CTNNA2: variants seen among roughly 807,000 people sequenced by gnomAD.
CTNNA2 encodes the protein catenin alpha 2, also known as catenin alpha-2.
In CTNNA2, 42 loss-of-function variants were observed where a neutral mutation model predicts 101.0. That is an observed-to-expected ratio of 0.42 (90% CI 0.32 to 0.54). The LOEUF is 0.54. CTNNA2 is among the 20% of genes least tolerant of loss of function. The pLI, the probability that CTNNA2 is intolerant of heterozygous loss-of-function variation, is 0.14. For missense variants in CTNNA2, 871 were observed against 1,223.1 expected (o/e 0.71, Z 4.29); for synonymous variants, 450 against 456.4 (o/e 0.99, Z 0.18).
At chr2:79,834,090 A>C (rs915177037) in intron 3 of CTNNA2, among the ~76,000 whole-genome samples, 1 of 152,196 alleles carries the variant, frequency 6.6e-6, no homozygotes, top group African/African-American at 2.4e-5. Context: ...CTTGTGGAGA[A>C]GTATGAGAGT....
At chr2:80,367,790 T>G (rs1235932164) in intron 7 of CTNNA2, among the ~76,000 whole-genome samples, 1 of 152,176 alleles carries the variant, frequency 6.6e-6, no homozygotes. Context: ...GATTACATTC[T>G]CTTCTTTCCT....
intron 6 of CTNNA2, 49 bp from the exon 7 acceptor site, chr2:79,909,545 G>C: frequency 1.3e-6 from 2 of 1,505,532 alleles, no homozygotes. Context: ...TGCCAAGGCA[G>C]ACCTCTCTTC....
chr2:80,539,329 T>C (rs2149613147), intron 9 of CTNNA2, among the ~76,000 whole-genome samples: 1 of 146,604 alleles, frequency 6.8e-6, no homozygotes, highest in South Asian at 2.1e-4. Flanking sequence ...TTTTTGTTGT[T>C]GTTGTTGTTG....
At chr2:79,889,800 A>G (rs142392442) in intron 6 of CTNNA2, among the ~76,000 whole-genome samples, 2 of 152,320 alleles carry the variant, frequency 1.3e-5, no homozygotes, top group East Asian at 3.9e-4. Flanking sequence ...TCCTGACTGA[A>G]AAGTTGTTAT....
chr2:80,329,199 G>A (rs1196531487), intron 7 of CTNNA2, among the ~76,000 whole-genome samples: 1 of 152,176 alleles, frequency 6.6e-6, no homozygotes, highest in Non-Finnish European at 1.5e-5. Context: ...ACCTTTATTT[G>A]ATTGGTATTT....
intron 6 of CTNNA2, among the ~76,000 whole-genome samples, chr2:79,894,476 T>C (rs558580036): frequency 6.6e-6 from 1 of 152,278 alleles, no homozygotes; most frequent in African/African-American, 2.4e-5. Flanking sequence ...ATCGTTTCCG[T>C]AGGTCCCTGC....
chr2:80,187,749 T>C (rs1390027503), intron 7 of CTNNA2, among the ~76,000 whole-genome samples: 1 of 152,102 alleles, frequency 6.6e-6, no homozygotes, highest in East Asian at 1.9e-4. Context: ...GAATGATGCT[T>C]ATAGTTATCA....
chr2:79,929,001 T>G (rs1375212906), intron 7 of CTNNA2, among the ~76,000 whole-genome samples: 1 of 152,172 alleles, frequency 6.6e-6, no homozygotes, highest in Non-Finnish European at 1.5e-5. Flanking sequence ...GGTTCATAGA[T>G]TAAGTATCTG....
intron 7 of CTNNA2, among the ~76,000 whole-genome samples, chr2:80,369,539 C>T (rs185585317): frequency 6.6e-6 from 1 of 152,040 alleles, no homozygotes; most frequent in Admixed American, 6.6e-5. Context: ...GTACTAAGTC[C>T]TGGAACCCAT....
chr2:80,053,966 T>G (rs2104345303), intron 7 of CTNNA2, among the ~76,000 whole-genome samples: 1 of 152,384 alleles, frequency 6.6e-6, no homozygotes, highest in Non-Finnish European at 1.5e-5. Context: ...TCATTTTGTT[T>G]ACAAGTATTC....
intron 7 of CTNNA2, among the ~76,000 whole-genome samples, chr2:80,112,953 G>T (rs1311201159): frequency 6.6e-6 from 1 of 152,170 alleles, no homozygotes; most frequent in Non-Finnish European, 1.5e-5. Flanking sequence ...TGTGACTGGA[G>T]CAGTATCTTA....
chr2:80,428,668 A>C (rs1681208086), intron 9 of CTNNA2, among the ~76,000 whole-genome samples: 1 of 152,284 alleles, frequency 6.6e-6, no homozygotes, highest in Admixed American at 6.5e-5. Context: ...CCCTACACAA[A>C]TGTCCTGGGT....
chr2:79,381,921 G>A (rs768370512), intron 4 of CTNNA2, among the ~76,000 whole-genome samples: 9 of 152,188 alleles, frequency 5.9e-5, no homozygotes, highest in Non-Finnish European at 1.2e-4. Context: ...AAATGACTGC[G>A]TGATTGCTAA....
chr2:80,510,223 C>A (rs1191423311), intron 9 of CTNNA2, among the ~76,000 whole-genome samples: 1 of 152,164 alleles, frequency 6.6e-6, no homozygotes, highest in Admixed American at 6.5e-5. Flanking sequence ...TATCACCAAA[C>A]CAACCCCACA....
intron 7 of CTNNA2, among the ~76,000 whole-genome samples, chr2:80,143,022 C>T (rs1470051149): frequency 3.3e-5 from 5 of 152,294 alleles, no homozygotes; most frequent in Non-Finnish European, 2.9e-5. Flanking sequence ...CTTGGACAAC[C>T]TTGTATGGAG....
rs147555003 is a variant in CTNNA2 at position 80,250,418 on chromosome 2, A to G, written c.1057-142793A>G. Reference sequence around the variant, plus strand: ...AGTCTGCAGAGATGTTTCAGGGAGTAAACGCAAAGATAGAAGAGAAGCAGG... The same window carrying G: ...AGTCTGCAGAGATGTTTCAGGGAGTGAACGCAAAGATAGAAGAGAAGCAGG... On this transcript the variant is annotated intron_variant, in intron 7 of 18. Coordinates refer to ENST00000402739, the MANE Select transcript of CTNNA2 (RefSeq NM_001282597.3). 1.5e-3 allele frequency among the ~76,000 whole-genome samples: 222 copies of G among 152,322 alleles called. 3 individuals are homozygous for G. The East Asian group carries it at 0.042, about 29-fold the overall frequency.
intron 2 of CTNNA2, among the ~76,000 whole-genome samples, chr2:79,221,649 G>A (rs918365737): frequency 7.9e-5 from 12 of 151,806 alleles, no homozygotes; most frequent in Non-Finnish European, 1.0e-4. Flanking sequence ...GTCTCCAGTA[G>A]CAAAGACTCA....
intron 2 of CTNNA2, among the ~76,000 whole-genome samples, chr2:79,684,823 T>C (rs1170618073): frequency 6.6e-6 from 1 of 152,172 alleles, no homozygotes. Flanking sequence ...GATTGAAGAT[T>C]TGTCCAAATT....
intron 1 of CTNNA2, among the ~76,000 whole-genome samples, chr2:79,550,845 A>G (rs1190117624): frequency 1.3e-5 from 2 of 152,114 alleles, no homozygotes; most frequent in Non-Finnish European, 2.9e-5. Context: ...GATGAATGGG[A>G]GAGTTGCAGT....
Sources: allele counts gnomAD v4.1 joint callset (sites outside exome capture counted in the v4.1 genomes callset), GRCh38; gene constraint gnomAD v4.1.1; transcripts MANE v1.5; gene names NCBI Gene and HGNC (gene_info 2026-07-23, HGNC 2026-07-21).